AKR1D1: variants seen among roughly 807,000 people sequenced by gnomAD.
AKR1D1 encodes the protein delta(4)-3-ketosteroid 5-beta-reductase.
A neutral mutation model predicts 42.6 loss-of-function variants in AKR1D1; 32 were observed. The ratio of observed to expected loss-of-function variants is 0.75; its 90% CI spans 0.57 to 1.01. The LOEUF (loss-of-function observed/expected upper bound fraction) is 1.01, where lower values mean the gene tolerates loss of function less well. Ranked by LOEUF, AKR1D1 falls within the 50% of genes least tolerant of loss-of-function variation. The pLI is 0.00. For missense variants in AKR1D1, 364 were observed against 402.2 expected (o/e 0.91, Z 0.81); for synonymous variants, 123 against 135.5 (o/e 0.91, Z 0.64).
chr7:138,092,379 T>A (rs1408927707), intron 3 of AKR1D1, among the ~76,000 whole-genome samples: 1 of 152,208 alleles, frequency 6.6e-6, no homozygotes, highest in Admixed American at 6.5e-5. Flanking sequence ...TGTTCAAATG[T>A]CAGATTTCTA....
intron 4 of AKR1D1, 133 bp from the exon 5 acceptor site, chr7:138,105,174 A>T: frequency 8.0e-7 from 1 of 1,243,648 alleles, no homozygotes; most frequent in Non-Finnish European, 1.2e-6. Context: ...TCCTTCTTTT[A>T]CTTTTTTTCG....
chr7:138,082,871 G>T (rs1247496780), intron 1 of AKR1D1, among the ~76,000 whole-genome samples: 2 of 152,070 alleles, frequency 1.3e-5, no homozygotes, highest in Non-Finnish European at 2.9e-5. Flanking sequence ...ATATTACATT[G>T]TCTATGTACC....
intron 1 of AKR1D1, among the ~76,000 whole-genome samples, chr7:138,087,740 T>G (rs1219928585): frequency 6.6e-6 from 1 of 152,188 alleles, no homozygotes; most frequent in African/African-American, 2.4e-5. Flanking sequence ...CACTGATCTA[T>G]GTCTGTCACC....
At chr7:138,095,005 G>A (rs1444351831) in intron 3 of AKR1D1, among the ~76,000 whole-genome samples, 1 of 152,160 alleles carries the variant, frequency 6.6e-6, no homozygotes, top group Non-Finnish European at 1.5e-5. Context: ...TTTTTAAAGG[G>A]TTGGGTTATT....
intron 6 of AKR1D1, chr7:138,107,066 A>G: frequency 2.0e-6 from 1 of 497,458 alleles, no homozygotes; most frequent in Non-Finnish European, 3.7e-6. Context: ...CATAAACTTA[A>G]GTAGAAATTT....
chr7:138,078,356 A>G (rs939082013), intron 1 of AKR1D1, among the ~76,000 whole-genome samples: 5 of 152,164 alleles, frequency 3.3e-5, no homozygotes, highest in Non-Finnish European at 7.3e-5. Context: ...GAAAGATAAA[A>G]CTCAGGTTGT....
intron 1 of AKR1D1, among the ~76,000 whole-genome samples, chr7:138,079,867 T>C (rs1803016671): frequency 6.6e-6 from 1 of 152,232 alleles, no homozygotes; most frequent in Admixed American, 6.5e-5. Context: ...GTCAACAATG[T>C]AGATGGCGTG....
At chr7:138,090,391 C>A (rs60646618) in intron 2 of AKR1D1, among the ~76,000 whole-genome samples, 9,852 of 152,114 alleles carry the variant, frequency 0.065, 1,065 homozygotes, top group African/African-American at 0.22. Flanking sequence ...AATCCCAGCA[C>A]TTTGGAAGGC....
chr7:138,118,030 A>G lies in AKR1D1; in HGVS notation c.*1368A>G, dbSNP rs1794675534. On this transcript the variant is annotated 3_prime_UTR_variant, in exon 9 of 9. Transcript: ENST00000242375. ...CGAGACTCCGTCTCAAAAACAAAAA[A>G]AAAAGAAAAGAAATATATTTTATTC... 6.6e-6 allele frequency: 1 copy of G among 152,220 alleles called. No individual in the cohort carries two copies. Among genetic ancestry groups the G allele is most frequent in the Non-Finnish European group, 1.5e-5 (1 of 68,042 alleles). 9.4% of individuals were successfully genotyped at this position (152,220 alleles called of 1,614,324 possible).
intron 5 of AKR1D1, 65 bp from the exon 6 acceptor site, chr7:138,106,543 C>A: frequency 1.6e-6 from 2 of 1,212,142 alleles, no homozygotes; most frequent in Non-Finnish European, 2.5e-6. Context: ...TTTTTTTTAA[C>A]AGTACAATTG....
chr7:138,096,977 T>C (rs1794196775), intron 3 of AKR1D1, among the ~76,000 whole-genome samples: 1 of 152,340 alleles, frequency 6.6e-6, no homozygotes, highest in Admixed American at 6.5e-5. Flanking sequence ...AATATCCACT[T>C]GAATGTCTAG....
Position 138,084,511 on chromosome 7 carries a change from G to A in AKR1D1, c.94-4090G>A, listed in dbSNP as rs185353866. ...TGGGATTACAGGTGTGTGCCACTGC[G>A]CCAGCATAATCCAGCATTTTTAATT... On this transcript the variant is annotated intron_variant, in intron 1 of 8. Coordinates refer to ENST00000242375, the MANE Select transcript of AKR1D1 (RefSeq NM_005989.4). Among the ~76,000 whole-genome samples, 386 of 151,810 alleles carry A rather than the reference G, an allele frequency of 2.5e-3. 1 individual carries two copies. The highest frequency in any genetic ancestry group is 8.3e-3 in the African/African-American group (341 of 41,294).
At chr7:138,091,711 G>T (rs1299930789) in intron 2 of AKR1D1, 57 bp from the exon 3 acceptor site, 1 of 1,327,950 alleles carries the variant, frequency 7.5e-7, no homozygotes, top group Non-Finnish European at 1.1e-6. Context: ...AAAAGGGGCT[G>T]CCTTATCGTA....
intron 5 of AKR1D1, among the ~76,000 whole-genome samples, chr7:138,106,031 AACTC>A (rs1342539074): frequency 8.6e-5 from 13 of 151,972 alleles, no homozygotes; most frequent in African/African-American, 1.2e-4. Context: ...CATGAAAAAA[AACTC>A]ACTATTAATT....
At chr7:138,092,942 CATA>C (rs531269377) in intron 3 of AKR1D1, among the ~76,000 whole-genome samples, 304 of 152,188 alleles carry the variant, frequency 2.0e-3, no homozygotes, top group South Asian at 9.5e-3. Context: ...CAATGAATCA[CATA>C]ATATTTTTTC....
At chr7:138,100,743 C>G (rs929161526) in intron 4 of AKR1D1, among the ~76,000 whole-genome samples, 2 of 126,790 alleles carry the variant, frequency 1.6e-5, no homozygotes, top group Admixed American at 1.9e-4. Context: ...CTCGCTCTGC[C>G]GCCCAGGCTG....
At chr7:138,107,868 G>C (rs1794464631) in intron 7 of AKR1D1, among the ~76,000 whole-genome samples, 1 of 150,774 alleles carries the variant, frequency 6.6e-6, no homozygotes, top group Non-Finnish European at 1.5e-5. Context: ...TGTTTGTTTA[G>C]AGATAGGGTC....
chr7:138,098,469 G>T (rs993805508), intron 4 of AKR1D1, among the ~76,000 whole-genome samples: 4 of 152,010 alleles, frequency 2.6e-5, no homozygotes, highest in African/African-American at 9.7e-5. Context: ...AATTAGCCAG[G>T]CGTGGTGGTG....
intron 4 of AKR1D1, among the ~76,000 whole-genome samples, chr7:138,100,999 C>T (rs1356236720): frequency 1.3e-5 from 2 of 151,658 alleles, no homozygotes; most frequent in African/African-American, 2.4e-5. Flanking sequence ...CCAACGCGCC[C>T]GGCCTATAGT....
Sources: gnomAD v4.1 joint callset for allele counts (sites outside exome capture counted in the v4.1 genomes callset) on GRCh38, gnomAD v4.1.1 for gene constraint, MANE v1.5 for transcripts, NCBI Gene and HGNC (gene_info 2026-07-23, HGNC 2026-07-21) for gene names.